LPP: variants seen among roughly 807,000 people sequenced by gnomAD.
LPP encodes lipoma-preferred partner.
A neutral mutation model predicts 60.4 loss-of-function variants in LPP; 38 were observed. That is an observed-to-expected ratio of 0.63 (90% confidence interval 0.49 to 0.83). LPP has a LOEUF of 0.83. Among genes scored for constraint, LPP ranks in the 40% least tolerant of loss-of-function variants. LPP has a pLI of 0.00. For missense variants in LPP, 902 were observed against 783.6 expected (o/e 1.15, Z -1.80); for synonymous variants, 328 against 290.8 (o/e 1.13, Z -1.30).
chr3:188,659,039 C>T (rs1853985399), intron 7 of LPP, among the ~76,000 whole-genome samples: 1 of 152,184 alleles, frequency 6.6e-6, no homozygotes, highest in South Asian at 2.1e-4. Context: ...AGCTAGCAGC[C>T]TCCCCTGCAT....
At chr3:188,527,872 C>T (rs1164657212) in intron 6 of LPP, among the ~76,000 whole-genome samples, 1 of 151,924 alleles carries the variant, frequency 6.6e-6, no homozygotes, top group South Asian at 2.1e-4. Flanking sequence ...CCTCAGCCTC[C>T]CAAATTTAGG....
chr3:188,791,792 C>T (rs1743849819), intron 9 of LPP, among the ~76,000 whole-genome samples: 1 of 152,134 alleles, frequency 6.6e-6, no homozygotes. Context: ...ATGTCCTGCT[C>T]AGAGCATGCT....
At chr3:188,391,783 T>TCCAG (rs1037288594) in intron 3 of LPP, among the ~76,000 whole-genome samples, 4 of 151,276 alleles carry the variant, frequency 2.6e-5, no homozygotes, top group Non-Finnish European at 4.4e-5. Context: ...GAGACATGAG[T>TCCAG]CCAGCTACTT....
In LPP at chr3:188,609,284, G is replaced by A; in HGVS notation, c.553G>A (p.Ala185Thr). The A allele has an allele frequency of 6.2e-7, 1 of 1,613,982 alleles. No individual in the cohort carries two copies. Among genetic ancestry groups the A allele is most frequent in the Non-Finnish European group, 8.5e-7 (1 of 1,179,998 alleles). The change falls in exon 7 of 12, where the codon GCA (alanine) becomes ACA (threonine). Residue 185 changes from alanine to threonine, a missense_variant. By Grantham distance (58) the Ala-to-Thr change is moderately conservative. Transcript: ENST00000617246. This position sits in a 1 kb window ranked among gnomAD's most constrained non-coding sequence, Gnocchi z 6.9. ...GAAGTCTACATTGAAACCACAGCCT[G>A]CACCCCAGGCTGGACCCATCCCTGT... ...TKKSTLKPQP[A>T]PQAGPIPVAP...
At chr3:188,170,342 T>C (rs1721220967) in intron 1 of LPP, among the ~76,000 whole-genome samples, 1 of 147,894 alleles carries the variant, frequency 6.8e-6, no homozygotes, top group Admixed American at 6.7e-5. Flanking sequence ...TTTTTTTTTT[T>C]TTTTTTGAGA....
At chr3:188,658,506 C>T (rs189790256) in intron 7 of LPP, among the ~76,000 whole-genome samples, 3 of 152,250 alleles carry the variant, frequency 2.0e-5, no homozygotes, top group Admixed American at 2.0e-4. Context: ...CCGTGCTTCT[C>T]CTCTCTCCAC....
At chr3:188,498,332 C>T (rs985665600) in intron 5 of LPP, among the ~76,000 whole-genome samples, 3 of 152,100 alleles carry the variant, frequency 2.0e-5, no homozygotes, top group East Asian at 3.9e-4. Context: ...AACCTCTATA[C>T]CGCTTCACCA....
intron 4 of LPP, among the ~76,000 whole-genome samples, chr3:188,422,303 C>A (rs1347563904): frequency 6.6e-6 from 1 of 152,062 alleles, no homozygotes; most frequent in Non-Finnish European, 1.5e-5. Flanking sequence ...TCAAAAACAA[C>A]CTCAAATACT....
intron 9 of LPP, among the ~76,000 whole-genome samples, chr3:188,785,852 A>G (rs1741684197): frequency 6.6e-6 from 1 of 151,664 alleles, no homozygotes; most frequent in South Asian, 2.1e-4. Context: ...GCTGTTTTGT[A>G]TTCTCCCTGA....
At chr3:188,788,927 C>T (rs531449049) in intron 9 of LPP, among the ~76,000 whole-genome samples, 6 of 152,076 alleles carry the variant, frequency 3.9e-5, no homozygotes, top group African/African-American at 1.4e-4. Context: ...GCTGACTGTC[C>T]GTGTTGCATC....
At chr3:188,540,202 A>G (rs1183544540) in intron 6 of LPP, among the ~76,000 whole-genome samples, 1 of 152,104 alleles carries the variant, frequency 6.6e-6, no homozygotes, top group African/African-American at 2.4e-5. Flanking sequence ...TGGTTTGCAA[A>G]CTGGACTTGT....
intron 4 of LPP, among the ~76,000 whole-genome samples, chr3:188,438,613 G>T (rs1426703764): frequency 1.3e-5 from 2 of 152,106 alleles, no homozygotes; most frequent in Non-Finnish European, 2.9e-5. Flanking sequence ...ATGGAGGCAG[G>T]CATGGCATAC....
At chr3:188,264,616 T>G (rs1734809302) in intron 2 of LPP, among the ~76,000 whole-genome samples, 1 of 152,108 alleles carries the variant, frequency 6.6e-6, no homozygotes. Flanking sequence ...GAAAATTGTT[T>G]TCTGAAACTC....
intron 3 of LPP, among the ~76,000 whole-genome samples, chr3:188,404,356 A>G (rs1424602048): frequency 6.6e-6 from 1 of 152,090 alleles, no homozygotes; most frequent in East Asian, 1.9e-4. Flanking sequence ...GTGATCCTCC[A>G]ACCTCAGCCT....
At chr3:188,331,839 G>A (rs922247436) in intron 2 of LPP, among the ~76,000 whole-genome samples, 1 of 152,068 alleles carries the variant, frequency 6.6e-6, no homozygotes, top group Non-Finnish European at 1.5e-5. Context: ...AACTTGATTA[G>A]GTTACTTAAT....
intron 3 of LPP, among the ~76,000 whole-genome samples, chr3:188,371,475 T>G (rs2151068088): frequency 6.6e-6 from 1 of 151,114 alleles, no homozygotes; most frequent in East Asian, 2.0e-4. Flanking sequence ...CCACTGGAAC[T>G]GTGGACATCT....
At chr3:188,604,214 A>G (rs1841986349) in intron 6 of LPP, among the ~76,000 whole-genome samples, 1 of 152,154 alleles carries the variant, frequency 6.6e-6, no homozygotes, top group Admixed American at 6.6e-5. Context: ...CCTGTTACAT[A>G]GTAGACTTTC....
At chr3:188,481,822 G>C (rs1032373607) in intron 4 of LPP, among the ~76,000 whole-genome samples, 1 of 152,174 alleles carries the variant, frequency 6.6e-6, no homozygotes, top group African/African-American at 2.4e-5. Context: ...GATACTGTCT[G>C]ATGCTCTGAA....
intron 1 of LPP, among the ~76,000 whole-genome samples, chr3:188,163,900 AG>A (rs1420976417): frequency 6.6e-6 from 1 of 150,750 alleles, no homozygotes; most frequent in African/African-American, 2.4e-5. Flanking sequence ...GCAGTGAGCC[AG>A]GATGGCACCA....
Sources: allele counts gnomAD v4.1 joint callset (sites outside exome capture counted in the v4.1 genomes callset), GRCh38; gene constraint gnomAD v4.1.1; non-coding constraint Gnocchi (gnomAD v3.1); transcripts MANE v1.5; gene names NCBI Gene and HGNC (gene_info 2026-07-23, HGNC 2026-07-21).